MTIF2: variants seen among roughly 807,000 people sequenced by gnomAD.
MTIF2 encodes the protein mitochondrial translational initiation factor 2.
Under a neutral mutation model 83.5 loss-of-function variants are expected in MTIF2, and 71 were observed. The ratio of observed to expected loss-of-function variants is 0.85; its 90% confidence interval spans 0.70 to 1.04. The LOEUF (loss-of-function observed/expected upper bound fraction) is 1.04. MTIF2 is among the 50% of genes least tolerant of loss of function. The probability of loss-of-function intolerance (pLI) is 0.00; values close to 1 mark genes in which losing one functional copy is unlikely to be tolerated. For synonymous variants in MTIF2, 319 were observed against 287.1 expected (o/e 1.11, Z -1.12); for missense variants, 957 against 846.5 (o/e 1.13, Z -1.62).
At position 55,249,411 on chromosome 2, in the gene MTIF2, G is replaced by C. The variant is rs1488795163; in HGVS notation, c.965C>G (p.Pro322Arg). Residue 322 changes from proline to arginine, a missense_variant, in exon 9 of 16, where the codon CCT becomes CGT. This residue lies in a region of MTIF2 where 733 missense variants were observed against 648.7 expected (regional missense o/e 1.13). Transcript: ENST00000263629. ...EDYGGDVQAV[P>R]VSALTGDNLM... ...CGCATTTACCGTAAGTGCGGAGACA[G>C]GCACTGCTTGAACATCACCTCCATA... 6.2e-7 allele frequency: 1 copy of C among 1,614,024 alleles called. No homozygotes were observed. Among genetic ancestry groups the C allele is most frequent in the African/African-American group, 1.3e-5 (1 of 74,930 alleles).
chr2:55,244,740 C>T (rs1321038768), intron 10 of MTIF2, among the ~76,000 whole-genome samples: 2 of 151,650 alleles, frequency 1.3e-5, no homozygotes, highest in Admixed American at 1.3e-4. Flanking sequence ...CATAGCAGGA[C>T]CCTATCTCAA....
chr2:55,259,469 G>C (rs985084054), intron 5 of MTIF2, among the ~76,000 whole-genome samples: 1 of 147,330 alleles, frequency 6.8e-6, no homozygotes, highest in Non-Finnish European at 1.5e-5. Flanking sequence ...ATGGTTATGG[G>C]TTCCTCTATG....
At chr2:55,263,296 G>C (rs995335305) in intron 4 of MTIF2, among the ~76,000 whole-genome samples, 2 of 152,112 alleles carry the variant, frequency 1.3e-5, no homozygotes, top group Non-Finnish European at 2.9e-5. Context: ...ACAATTAACC[G>C]GAACTTCCCT....
intron 5 of MTIF2, 145 bp downstream of exon 5, chr2:55,262,171 T>A: frequency 1.6e-6 from 1 of 641,210 alleles, no homozygotes; most frequent in Non-Finnish European, 2.7e-6. Context: ...GATTATGACT[T>A]AAAGTGAAGA....
rs149006823 is a variant in MTIF2 at position 55,268,395 on chromosome 2, T to C, written c.-75+183A>G. Reference sequence around the variant, plus strand: ...AGTGCTCAGGTAACACAGGATTCCTTGAGAAAATAATTTTTAAATCAGTAT... The same window carrying C: ...AGTGCTCAGGTAACACAGGATTCCTCGAGAAAATAATTTTTAAATCAGTAT... On this transcript the variant is annotated intron_variant, in intron 2 of 15. Transcript: ENST00000263629. Among the ~76,000 whole-genome samples, 3 of 152,178 alleles carry C rather than the reference T, an allele frequency of 2.0e-5. No homozygotes were observed. In the East Asian group the frequency reaches 5.8e-4, roughly 29 times the overall value.
chr2:55,249,601 A>G, intron 8 of MTIF2, 67 bp from the exon 9 acceptor site: 1 of 1,563,094 alleles, frequency 6.4e-7, no homozygotes, highest in Non-Finnish European at 8.7e-7. Flanking sequence ...TCACAGTGAA[A>G]GACATCAACT....
rs752644396 is a variant in MTIF2 at position 55,249,375 on chromosome 2, T to C, written c.981+20A>G. On this transcript the variant is annotated intron_variant, in intron 9 of 15. Transcript: ENST00000263629. The stretch of plus-strand genomic sequence containing the variant: ...CAGCATTCCCATCCAGGCATATTTA[T>C]ATGAGGTCCCCGCATTTACCGTAAG... 4 of 1,612,498 alleles carry C rather than the reference T, an allele frequency of 2.5e-6. No homozygotes were observed. The highest frequency in any genetic ancestry group is 3.4e-6 in the Non-Finnish European group (4 of 1,179,188).
At chr2:55,259,051 C>T (rs747448218) in intron 5 of MTIF2, among the ~76,000 whole-genome samples, 2 of 152,094 alleles carry the variant, frequency 1.3e-5, no homozygotes, top group South Asian at 2.1e-4. Context: ...TTTTCCAATA[C>T]ATTATACTGA....
intron 9 of MTIF2, among the ~76,000 whole-genome samples, chr2:55,248,311 C>T (rs1394472082): frequency 1.3e-5 from 2 of 152,090 alleles, no homozygotes; most frequent in East Asian, 1.9e-4. Context: ...GAAAAAGATG[C>T]ACAGTTTTAC....
chr2:55,247,840 T>C (rs1049595951), intron 9 of MTIF2, among the ~76,000 whole-genome samples: 5 of 152,244 alleles, frequency 3.3e-5, no homozygotes, highest in Non-Finnish European at 5.9e-5. Context: ...GCTTTACATC[T>C]ACCTACTCAT....
At chr2:55,236,981 A>C (rs1675878404) in intron 15 of MTIF2, among the ~76,000 whole-genome samples, 161 bp from the exon 16 acceptor site, 1 of 152,240 alleles carries the variant, frequency 6.6e-6, no homozygotes, top group South Asian at 2.1e-4. Context: ...GAACCCCCTC[A>C]AAAATGAAGT....
In MTIF2 at chr2:55,246,395, C is replaced by A; in HGVS notation, c.1048G>T (p.Asp350Tyr). The change falls in exon 10 of 16, where the codon GAT (aspartate) becomes TAT (tyrosine). Residue 350 changes from aspartate to tyrosine, a missense_variant. Asp to Tyr is a radical substitution (Grantham distance 160, BLOSUM62 -3). Transcript: ENST00000263629. ...GTTCCTTCCACTGGACCATTGGGAT[C>A]TGCTTTCAATTCTAACATTTCTGCA... ...ALAEMLELKA[D>Y]PNGPVEGTVI... The A allele has an allele frequency of 6.2e-7, 1 of 1,613,848 alleles. No homozygotes were observed.
At chr2:55,237,609 G>A (rs958534117) in intron 14 of MTIF2, among the ~76,000 whole-genome samples, 181 bp from the exon 15 acceptor site, 6 of 149,944 alleles carry the variant, frequency 4.0e-5, no homozygotes, top group African/African-American at 1.5e-4. Context: ...GAATAAAAAT[G>A]AATGAAAATC....
chr2:55,243,562 G>T lies in MTIF2; in HGVS notation c.1418C>A (p.Ala473Glu). ...IEEKRKEHKE[A>E]HQKAREKYGH... ...ATACTTCTCACGGGCTTTCTGATGT[G>T]CTTCTTTGTGTTCCTTTCGCTTTTC... is the stretch of plus-strand genomic sequence containing the variant. The change falls in exon 12 of 16, where the codon GCA (alanine) becomes GAA (glutamate). Residue 473 changes from alanine to glutamate, a missense_variant. Coordinates refer to ENST00000263629, the MANE Select transcript of MTIF2 (RefSeq NM_002453.3). The T allele has an allele frequency of 6.2e-7, 1 of 1,613,964 alleles. No individual in the cohort carries two copies. Among genetic ancestry groups the T allele is most frequent in the South Asian group, 1.1e-5 (1 of 91,068 alleles).
chr2:55,243,528 T>A lies in MTIF2; in HGVS notation c.1452A>T (p.Leu484=), dbSNP rs1209722675. ...HQKAREKYGH[L]LWKKRSILRF... ...GTAGAATTGATCTCTTCTTCCACAG[T>A]AGATGGCCATACTTCTCACGGGCTT... Residue 484 remains leucine (L), a synonymous_variant, in exon 12 of 16, where the codon CTA becomes CTT. Coordinates refer to ENST00000263629, the MANE Select transcript of MTIF2 (RefSeq NM_002453.3). The A allele has an allele frequency of 1.2e-6, 2 of 1,614,030 alleles. No homozygotes were observed. The highest frequency in any genetic ancestry group is 2.7e-5 in the African/African-American group (2 of 74,946).
intron 14 of MTIF2, 67 bp downstream of exon 14, chr2:55,239,944 G>C: frequency 7.2e-7 from 1 of 1,379,854 alleles, no homozygotes; most frequent in Non-Finnish European, 9.9e-7. Context: ...TCTAAGCTTT[G>C]CTTTGAAGTG....
At chr2:55,265,452 A>G (rs1678360503) in intron 3 of MTIF2, among the ~76,000 whole-genome samples, 2 of 151,670 alleles carry the variant, frequency 1.3e-5, no homozygotes, top group Non-Finnish European at 2.9e-5. Context: ...ACTGATTATA[A>G]CCTAGGGTCG....
chr2:55,242,032 G>A (rs1676353579), intron 13 of MTIF2, among the ~76,000 whole-genome samples: 1 of 151,672 alleles, frequency 6.6e-6, no homozygotes, highest in Non-Finnish European at 1.5e-5. Flanking sequence ...TATAATCCCA[G>A]CTACTCGGTG....
intron 6 of MTIF2, 71 bp from the exon 7 acceptor site, chr2:55,254,272 C>CAGGG: frequency 6.6e-7 from 1 of 1,518,660 alleles, no homozygotes; most frequent in Non-Finnish European, 8.9e-7. Context: ...AATTGGTTCA[C>CAGGG]ATTTATCCCT....
Sources: allele counts gnomAD v4.1 joint callset (sites outside exome capture counted in the v4.1 genomes callset), GRCh38; gene constraint gnomAD v4.1.1; regional missense constraint gnomAD v4.1.1; transcripts MANE v1.5; gene names NCBI Gene and HGNC (gene_info 2026-07-23, HGNC 2026-07-21).